ADGB: variants seen among roughly 807,000 people sequenced by gnomAD.
ADGB encodes calpain-7-like protein.
ADGB carries 172 observed loss-of-function variants against 210.5 expected under a neutral mutation model. The observed-to-expected ratio is 0.82, with a 90% CI of 0.72 to 0.93. The LOEUF is 0.93. ADGB is among the 40% of genes least tolerant of loss of function. The pLI, the probability that ADGB is intolerant of heterozygous loss-of-function variation, is 0.00. For synonymous variants in ADGB, 658 were observed against 662.7 expected (o/e 0.99, Z 0.11); for missense variants, 2,025 against 1,964.8 (o/e 1.03, Z -0.58).
intron 4 of ADGB, among the ~76,000 whole-genome samples, chr6:146,654,886 G>A (rs766709115): frequency 4.3e-4 from 66 of 152,072 alleles, no homozygotes; most frequent in Non-Finnish European, 6.8e-4. Flanking sequence ...AACTACAGCT[G>A]CATTGTTGCA....
chr6:146,760,707 T>C (rs947887123), intron 27 of ADGB, among the ~76,000 whole-genome samples: 17 of 151,964 alleles, frequency 1.1e-4, no homozygotes, highest in Admixed American at 5.2e-4. Flanking sequence ...GATTGTATCA[T>C]TTTACATTCC....
At chr6:146,750,818 T>A (rs1189834115) in intron 26 of ADGB, among the ~76,000 whole-genome samples, 1 of 152,112 alleles carries the variant, frequency 6.6e-6, no homozygotes, top group African/African-American at 2.4e-5. Flanking sequence ...TTTCTCTGTA[T>A]TTTTGTGATT....
chr6:146,702,078 C>G (rs912506422), intron 13 of ADGB, among the ~76,000 whole-genome samples: 1 of 151,796 alleles, frequency 6.6e-6, no homozygotes, highest in Admixed American at 6.6e-5. Context: ...CATGTAATGT[C>G]TTTCTAACCA....
At chr6:146,796,825 T>A (rs1180231105) in intron 33 of ADGB, among the ~76,000 whole-genome samples, 1 of 151,598 alleles carries the variant, frequency 6.6e-6, no homozygotes, top group South Asian at 2.1e-4. Context: ...CAAAAGCAAA[T>A]GCAACAAAAA....
intron 8 of ADGB, among the ~76,000 whole-genome samples, chr6:146,675,539 G>A (rs73571873): frequency 0.032 from 4,840 of 151,928 alleles, 235 homozygotes; most frequent in African/African-American, 0.11. Flanking sequence ...ATTATAAGTA[G>A]ATAATGTCAC....
Position 146,788,400 on chromosome 6 carries a change from G to C in ADGB, c.4327G>C (p.Ala1443Pro). ...ATGTCATGTTGTAGTAGAAACAGCT[G>C]CACGTGGCGTAAAAGAACCAAACTC... ...TKPKEEVETA[A>P]RGVKEPNSKN... The change falls in exon 33 of 36, where the codon GCA becomes CCA. Residue 1443 changes from alanine (A) to proline (P), a missense_variant. Transcript: ENST00000397944. 1 of 1,551,518 alleles carries C rather than the reference G, an allele frequency of 6.4e-7. No homozygotes were observed. Among genetic ancestry groups the C allele is most frequent in the Non-Finnish European group, 8.7e-7 (1 of 1,146,870 alleles).
At chr6:146,695,724 A>C (rs1210373881) in intron 12 of ADGB, among the ~76,000 whole-genome samples, 1 of 152,038 alleles carries the variant, frequency 6.6e-6, no homozygotes, top group African/African-American at 2.4e-5. Context: ...TCTTCTAAAT[A>C]TTAAAAGGAA....
At chr6:146,755,292 T>C (rs1333217175) in intron 27 of ADGB, among the ~76,000 whole-genome samples, 1 of 152,088 alleles carries the variant, frequency 6.6e-6, no homozygotes, top group African/African-American at 2.4e-5. Context: ...TACACAATGA[T>C]ATATGGACTG....
chr6:146,683,071 A>T (rs962993747), intron 9 of ADGB, among the ~76,000 whole-genome samples: 5 of 152,048 alleles, frequency 3.3e-5, no homozygotes, highest in African/African-American at 7.2e-5. Context: ...TTTGTTATAA[A>T]AGGGTGAGTT....
At chr6:146,714,316 T>G (rs1051510046) in intron 13 of ADGB, among the ~76,000 whole-genome samples, 4 of 75,960 alleles carry the variant, frequency 5.3e-5, no homozygotes, top group African/African-American at 3.0e-4. Flanking sequence ...GTGCATCTTG[T>G]TTTTTTTTTT....
intron 29 of ADGB, among the ~76,000 whole-genome samples, chr6:146,770,094 T>C (rs1238347431): frequency 2.6e-5 from 4 of 152,274 alleles, no homozygotes; most frequent in African/African-American, 7.2e-5. Context: ...CCTAGTTAGA[T>C]CCCATATGAA....
intron 30 of ADGB, among the ~76,000 whole-genome samples, chr6:146,784,317 A>G (rs1291095679): frequency 6.6e-6 from 1 of 152,188 alleles, no homozygotes; most frequent in Non-Finnish European, 1.5e-5. Context: ...TTATCAAAGT[A>G]TAATATCTGT....
intron 1 of ADGB, among the ~76,000 whole-genome samples, chr6:146,625,981 C>T (rs934984648): frequency 3.3e-5 from 5 of 151,752 alleles, no homozygotes; most frequent in Admixed American, 2.6e-4. Flanking sequence ...GTCTCTCTTT[C>T]TTGTGTTCTT....
At chr6:146,715,480 T>A in intron 14 of ADGB, 65 bp downstream of exon 14, 1 of 1,136,126 alleles carries the variant, frequency 8.8e-7, no homozygotes, top group Non-Finnish European at 1.2e-6. Flanking sequence ...GCATCTCTGC[T>A]TCTTGACAGC....
intron 33 of ADGB, among the ~76,000 whole-genome samples, chr6:146,795,435 T>A (rs1562303210): frequency 6.6e-6 from 1 of 151,990 alleles, no homozygotes; most frequent in Non-Finnish European, 1.5e-5. Flanking sequence ...TCAGCATCTA[T>A]AAGGAACTTA....
At chr6:146,646,327 A>G (rs1775610377) in intron 3 of ADGB, among the ~76,000 whole-genome samples, 1 of 152,090 alleles carries the variant, frequency 6.6e-6, no homozygotes, top group African/African-American at 2.4e-5. Flanking sequence ...TGGCACCCCT[A>G]TAGCCAAGGG....
At position 146,654,180 on chromosome 6, in the gene ADGB, G is replaced by A. The variant is rs1375133275; in HGVS notation, c.376G>A (p.Ala126Thr). The stretch of plus-strand genomic sequence containing the variant: ...TGAAATCACGTTTGACTTATTTTCA[G>A]CAAATGAACATTTACTCTGCAGCGA... ...KNEITFDLFS[A>T]NEHLLCSELM... Residue 126 changes from alanine to threonine, a missense_variant, in exon 4 of 36, where the codon GCA becomes ACA. Ala to Thr is a moderately conservative substitution (Grantham distance 58, BLOSUM62 0). Coordinates refer to ENST00000397944, the MANE Select transcript of ADGB (RefSeq NM_024694.4). 3 of 1,544,782 alleles carry A rather than the reference G, an allele frequency of 1.9e-6. No homozygotes were observed. The highest frequency in any genetic ancestry group is 1.4e-5 in the African/African-American group (1 of 72,894).
intron 14 of ADGB, among the ~76,000 whole-genome samples, chr6:146,715,979 A>C (rs1367333966): frequency 6.7e-6 from 1 of 149,842 alleles, no homozygotes; most frequent in Non-Finnish European, 1.5e-5. Flanking sequence ...GAGGCAGGAG[A>C]ATCTCTTGAA....
chr6:146,813,474 G>A (rs368413974), intron 35 of ADGB, among the ~76,000 whole-genome samples: 2 of 151,990 alleles, frequency 1.3e-5, no homozygotes, highest in African/African-American at 4.8e-5. Context: ...CGGTCACTTT[G>A]TATGTGTATT....
Sources: allele counts gnomAD v4.1 joint callset (sites outside exome capture counted in the v4.1 genomes callset), GRCh38; gene constraint gnomAD v4.1.1; transcripts MANE v1.5; gene names NCBI Gene and HGNC (gene_info 2026-07-23, HGNC 2026-07-21).